The following CRYGN variants were observed in gnomAD, a reference collection of about 807,000 sequenced individuals.
The protein encoded by CRYGN is crystallin gamma N, also known as gamma-crystallin N.
A neutral mutation model predicts 19.2 loss-of-function variants in CRYGN; 17 were observed. The observed-to-expected ratio is 0.89, with a 90% CI of 0.61 to 1.33. The LOEUF (loss-of-function observed/expected upper bound fraction) is 1.33, where lower values mean the gene tolerates loss of function less well. Among genes scored for constraint, CRYGN ranks in the 40% most tolerant of loss-of-function variants. The probability of loss-of-function intolerance (pLI) is 0.00; values close to 1 mark genes in which losing one functional copy is unlikely to be tolerated. For missense variants in CRYGN, 239 were observed against 239.6 expected (o/e 1.00, Z 0.02); for synonymous variants, 84 against 85.8 (o/e 0.98, Z 0.12).
chr7:151,433,783 C>T lies in CRYGN; in HGVS notation c.416+2397G>A, dbSNP rs956694209. On this transcript the variant is annotated intron_variant, in intron 3 of 3. Coordinates refer to ENST00000337323, the MANE Select transcript of CRYGN (RefSeq NM_144727.3). This position sits in a 1 kb window ranked among gnomAD's most constrained non-coding sequence, Gnocchi z 5.1. The stretch of plus-strand genomic sequence containing the variant: ...CATGGACACCCCCAAAAGGAGGGGG[C>T]GGGGAACCACCCATCCTGCTGTCCC... The T allele has an allele frequency of 3.2e-5, 5 of 154,584 alleles. No homozygotes were observed. The highest frequency in any genetic ancestry group is 4.1e-4 in the South Asian group (2 of 4,900). The allele number at this position is 154,584 out of a possible 1,614,324, so 9.6% of individuals were successfully genotyped here.
intron 2 of CRYGN, chr7:151,437,775 C>A (rs1229141334): frequency 2.2e-6 from 3 of 1,372,800 alleles, no homozygotes. Context: ...TTTATTGATA[C>A]CTGTATGAAA....
At chr7:151,432,210 C>A in intron 3 of CRYGN, 1 of 1,232,178 alleles carries the variant, frequency 8.1e-7, no homozygotes, top group Non-Finnish European at 1.0e-6. Flanking sequence ...CCTCCCAGTC[C>A]GAGAAGCTGC....
Position 151,430,672 on chromosome 7 carries a change from G to A in CRYGN, c.417-492C>T, listed in dbSNP as rs1475694648. On this transcript the variant is annotated intron_variant, in intron 3 of 3. Coordinates refer to ENST00000337323, the MANE Select transcript of CRYGN (RefSeq NM_144727.3). This position sits in a 1 kb window ranked among gnomAD's most constrained non-coding sequence, Gnocchi z 5.2. ...TGTCGGGGTGTCTCAGTTCAACTCA[G>A]ATAGTAACCCAGGGCTCATGGGCTT... is the stretch of plus-strand genomic sequence containing the variant. Among the ~76,000 whole-genome samples the A allele has an allele frequency of 6.6e-6, 1 of 152,210 alleles. No homozygotes were observed. Among genetic ancestry groups the A allele is most frequent in the East Asian group, 1.9e-4 (1 of 5,200 alleles).
Position 151,436,401 on chromosome 7 carries a change from G to A in CRYGN, c.271-76C>T. 2 of 1,409,948 alleles carry A rather than the reference G, an allele frequency of 1.4e-6. No homozygotes were observed. The highest frequency in any genetic ancestry group is 1.9e-6 in the Non-Finnish European group (2 of 1,060,228). The allele number at this position is 1,409,948 out of a possible 1,614,324, so 87.3% of individuals were successfully genotyped here. On this transcript the variant is annotated intron_variant, in intron 2 of 3. Transcript: ENST00000337323. The surrounding 1 kb of genome is among the most constrained non-coding windows in gnomAD (Gnocchi z 5.1). ...CCTCTCCCAGAAACAGAAGCCCCAT[G>A]CAGGAAGGAATTAGGAGGTACCCAA...
Position 151,440,023 on chromosome 7 carries a change from G to A in CRYGN, c.-106C>T. 3 of 1,392,608 alleles carry A rather than the reference G, an allele frequency of 2.2e-6. No homozygotes were observed. The highest frequency in any genetic ancestry group is 1.9e-6 in the Non-Finnish European group (2 of 1,071,522). The allele number at this position is 1,392,608 out of a possible 1,614,324, so 86.3% of individuals were successfully genotyped here. ...TTGCTGGGCCGGCCCCGGAGCGTTA[G>A]TGCTGTCGGGCGTGCTAAGCCCGAG... On this transcript the variant is annotated 5_prime_UTR_variant, in exon 1 of 4. Transcript: ENST00000337323.
chr7:151,437,909 TC>T lies in CRYGN; in HGVS notation c.270+86del, dbSNP rs748866410. The T allele has an allele frequency of 3.8e-6, 6 of 1,596,368 alleles. No individual in the cohort carries two copies. The African/African-American group carries it at 8.0e-5, about 21-fold the overall frequency. ...GACTTTAAAGCCGGGAGGACCACGC[TC>T]CCCGATTCCTTGCCACTGTCTGCCA... On this transcript the variant is annotated intron_variant, in intron 2 of 3. Coordinates refer to ENST00000337323, the MANE Select transcript of CRYGN (RefSeq NM_144727.3).
rs753951854 is a variant in CRYGN, at chr7:151,431,330, G to A, written c.417-1150C>T. ...GCCCAGGAATCCCACTGCCTGGGCC[G>A]AGTATCTCCTTCCAGGACAGACTTC... On this transcript the variant is annotated intron_variant, in intron 3 of 3. Coordinates refer to ENST00000337323, the MANE Select transcript of CRYGN (RefSeq NM_144727.3). The surrounding 1 kb of genome is among the most constrained non-coding windows in gnomAD (Gnocchi z 4.8). Among the ~76,000 whole-genome samples the A allele has an allele frequency of 2.6e-5, 4 of 152,158 alleles. No homozygotes were observed. In the South Asian group the frequency reaches 6.2e-4, roughly 24 times the overall value.
intron 2 of CRYGN, among the ~76,000 whole-genome samples, chr7:151,437,276 T>A (rs1801636220): frequency 6.6e-6 from 1 of 152,044 alleles, no homozygotes; most frequent in Non-Finnish European, 1.5e-5. Context: ...TCAGCAGACA[T>A]AAGCGAGACG....
intron 2 of CRYGN, chr7:151,437,719 T>C (rs890632477): frequency 1.0e-6 from 1 of 990,368 alleles, no homozygotes. Flanking sequence ...AACAGCATTT[T>C]AAATGGAAAA....
rs1249463391 is a variant in CRYGN, at chr7:151,433,287, C to T, written c.416+2893G>A. On this transcript the variant is annotated intron_variant, in intron 3 of 3. Coordinates refer to ENST00000337323, the MANE Select transcript of CRYGN (RefSeq NM_144727.3). This position sits in a 1 kb window ranked among gnomAD's most constrained non-coding sequence, Gnocchi z 5.1. ...CCCGGCCCAGAAAAGCAGGAAGGTGCGGTGGGGAGGGAACGGGGGACCAGG... is the reference window on the plus strand; with the variant it reads ...CCCGGCCCAGAAAAGCAGGAAGGTGTGGTGGGGAGGGAACGGGGGACCAGG... Among the ~76,000 whole-genome samples the T allele has an allele frequency of 2.0e-5, 3 of 152,162 alleles. No homozygotes were observed. The highest frequency in any genetic ancestry group is 2.1e-4 in the South Asian group (1 of 4,830).
Position 151,437,831 on chromosome 7 carries a change from C to A in CRYGN, c.270+165G>T. The A allele has an allele frequency of 6.0e-6, 9 of 1,492,058 alleles. No homozygotes were observed. The East Asian group carries it at 2.0e-4, about 33-fold the overall frequency. 92.4% of individuals were successfully genotyped at this position (1,492,058 alleles called of 1,614,324 possible). On this transcript the variant is annotated intron_variant, in intron 2 of 3. Transcript: ENST00000337323. ...AGTTCATAGCAACTTGGCCCCCCAC[C>A]TACTCACCTCATGCCAGCAGGTGGC...
chr7:151,440,149 G>A (rs1801728420), upstream of CRYGN: 2 of 1,305,868 alleles, frequency 1.5e-6, no homozygotes, highest in East Asian at 6.2e-5. Flanking sequence ...TTTAGCTCCC[G>A]AGCCTCCTTC....
intron 2 of CRYGN, among the ~76,000 whole-genome samples, chr7:151,437,079 C>A (rs1246356117): frequency 6.6e-6 from 1 of 152,156 alleles, no homozygotes; most frequent in East Asian, 1.9e-4. Context: ...ATTTAAATTT[C>A]TTTTTTCCAA....
chr7:151,436,440 C>T lies in CRYGN; in HGVS notation c.271-115G>A. Reference sequence around the variant, plus strand: ...GGAGGTACCCAAGGCACTGGGCACCCCCACCCCACACACTTCAACCCCACA... The same window carrying T: ...GGAGGTACCCAAGGCACTGGGCACCTCCACCCCACACACTTCAACCCCACA... On this transcript the variant is annotated intron_variant, in intron 2 of 3. Coordinates refer to ENST00000337323, the MANE Select transcript of CRYGN (RefSeq NM_144727.3). The surrounding 1 kb of genome is among the most constrained non-coding windows in gnomAD (Gnocchi z 5.1). 1.2e-6 allele frequency: 1 copy of T among 861,510 alleles called. No individual in the cohort carries two copies. The highest frequency in any genetic ancestry group is 1.7e-6 in the Non-Finnish European group (1 of 592,368). The allele number at this position is 861,510 out of a possible 1,614,324, so 53.4% of individuals were successfully genotyped here. A position where few individuals can be genotyped will look rare whatever the true frequency, so the allele number is the denominator to read the frequency against.
rs115792178 is a variant in CRYGN at position 151,436,179 on chromosome 7, C to A, written c.416+1G>T. 1 of 1,484,536 alleles carries A rather than the reference C, an allele frequency of 6.7e-7. No homozygotes were observed. Among genetic ancestry groups the A allele is most frequent in the East Asian group, 2.6e-5 (1 of 38,710 alleles). 92.0% of individuals were successfully genotyped at this position (1,484,536 alleles called of 1,614,324 possible). A position where few individuals can be genotyped will look rare whatever the true frequency, so the allele number is the denominator to read the frequency against. On this transcript the variant is annotated splice_donor_variant, in intron 3 of 3. Transcript: ENST00000337323. LOFTEE classifies it high-confidence loss of function. This position sits in a 1 kb window ranked among gnomAD's most constrained non-coding sequence, Gnocchi z 5.1. ...GGTGCGGCCACGTGGCCTGTACTCA[C>A]GCTCCGTCCCCGTACACCTTGATGG...
chr7:151,436,068 G>A lies in CRYGN; in HGVS notation c.416+112C>T, dbSNP rs1183711389. The stretch of plus-strand genomic sequence containing the variant: ...GGCCAGGGACACGCTGCCCACTGCT[G>A]GAGGTCTCATTCCCACCCCACCCAC... On this transcript the variant is annotated intron_variant, in intron 3 of 3. Coordinates refer to ENST00000337323, the MANE Select transcript of CRYGN (RefSeq NM_144727.3). This position sits in a 1 kb window ranked among gnomAD's most constrained non-coding sequence, Gnocchi z 5.1. The A allele has an allele frequency of 2.5e-6, 2 of 786,424 alleles. No individual in the cohort carries two copies. Among genetic ancestry groups the A allele is most frequent in the African/African-American group, 1.8e-5 (1 of 55,768 alleles). The allele number at this position is 786,424 out of a possible 1,614,324, so 48.7% of individuals were successfully genotyped here. A position where few individuals can be genotyped will look rare whatever the true frequency, so the allele number is the denominator to read the frequency against.
chr7:151,435,159 C>G lies in CRYGN; in HGVS notation c.416+1021G>C, dbSNP rs1012579422. Reference sequence around the variant, plus strand: ...TCCGAAGCTCCCTGGCCTTGAACCTCTGTAGTATAGACGGCAAATTGTTCC... The same window carrying G: ...TCCGAAGCTCCCTGGCCTTGAACCTGTGTAGTATAGACGGCAAATTGTTCC... On this transcript the variant is annotated intron_variant, in intron 3 of 3. Coordinates refer to ENST00000337323, the MANE Select transcript of CRYGN (RefSeq NM_144727.3). This position sits in a 1 kb window ranked among gnomAD's most constrained non-coding sequence, Gnocchi z 4.2. Among the ~76,000 whole-genome samples the G allele has an allele frequency of 6.6e-6, 1 of 152,206 alleles. No individual in the cohort carries two copies. Among genetic ancestry groups the G allele is most frequent in the Admixed American group, 6.5e-5 (1 of 15,286 alleles).
At chr7:151,432,487 C>T (rs1490864784) in intron 3 of CRYGN, among the ~76,000 whole-genome samples, 1 of 152,172 alleles carries the variant, frequency 6.6e-6, no homozygotes, top group African/African-American at 2.4e-5. Context: ...GGGGACAGGC[C>T]CAGTAATGTC....
In CRYGN at chr7:151,439,907, C is replaced by A. The variant is rs946749200; in HGVS notation, c.11G>T (p.Arg4Leu). ...GAGGGACGCACTCACCTTCCCCGAG[C>A]GCTGCGCCATGGTGCGCCCCGCCCC... MAQRSGKITLYEGK... is the reference protein window; with the variant it reads MAQLSGKITLYEGK... The change falls in exon 1 of 4, where the codon CGC (arginine) becomes CTC (leucine). Residue 4 changes from arginine (R) to leucine (L), a missense_variant. By Grantham distance (102) the Arg-to-Leu change is moderately radical (BLOSUM62 -2). Transcript: ENST00000337323. 6.4e-7 allele frequency: 1 copy of A among 1,553,940 alleles called. No individual in the cohort carries two copies. Among genetic ancestry groups the A allele is most frequent in the Admixed American group, 1.9e-5 (1 of 51,608 alleles).
Sources: gnomAD v4.1 joint callset for allele counts (sites outside exome capture counted in the v4.1 genomes callset) on GRCh38, gnomAD v4.1.1 for gene constraint, Gnocchi (gnomAD v3.1) non-coding constraint, MANE v1.5 for transcripts, NCBI Gene and HGNC (gene_info 2026-07-23, HGNC 2026-07-21) for gene names.